Variants in BICD1 observed in about 807,000 individuals in gnomAD.
The protein encoded by BICD1 is BICD cargo adaptor 1.
Under a neutral mutation model 92.5 loss-of-function variants are expected in BICD1, and 35 were observed. The observed-to-expected ratio is 0.38, with a 90% CI of 0.29 to 0.50. The LOEUF (loss-of-function observed/expected upper bound fraction) is 0.50, where lower values mean the gene tolerates loss of function less well. Ranked by LOEUF, BICD1 falls within the 20% of genes least tolerant of loss-of-function variation. The probability of loss-of-function intolerance (pLI) is 0.93; values close to 1 mark genes in which losing one functional copy is unlikely to be tolerated. For synonymous variants in BICD1, 429 were observed against 465.1 expected (o/e 0.92, Z 1.00); for missense variants, 950 against 1,189.8 (o/e 0.80, Z 2.97).
At chr12:32,320,322 A>G (rs1948616661) in intron 4 of BICD1, among the ~76,000 whole-genome samples, 2 of 152,160 alleles carry the variant, frequency 1.3e-5, no homozygotes, top group African/African-American at 4.8e-5. Context: ...TCTGGGCTGC[A>G]TAGAGAGACC....
intron 2 of BICD1, among the ~76,000 whole-genome samples, chr12:32,247,236 C>CAAA (rs200029154): frequency 0.11 from 14,313 of 134,946 alleles, 924 homozygotes; most frequent in East Asian, 0.27. Context: ...GACCCTGTAT[C>CAAA]AAAAAAAAAA....
intron 9 of BICD1, among the ~76,000 whole-genome samples, chr12:32,371,023 C>CT (rs5797476): frequency 0.032 from 4,036 of 127,362 alleles, 188 homozygotes; most frequent in African/African-American, 0.12. Flanking sequence ...ATTTTTTTAA[C>CT]TTTTTTTTTT....
chr12:32,272,830 C>T (rs1348984604), intron 2 of BICD1, among the ~76,000 whole-genome samples: 1 of 152,096 alleles, frequency 6.6e-6, no homozygotes, highest in Non-Finnish European at 1.5e-5. Flanking sequence ...TATTTTGAGT[C>T]ACATGGTGTT....
intron 1 of BICD1, among the ~76,000 whole-genome samples, chr12:32,125,955 G>T (rs1258875927): frequency 6.6e-6 from 1 of 151,362 alleles, no homozygotes; most frequent in Non-Finnish European, 1.5e-5. Flanking sequence ...AGCCTGAGGT[G>T]GGAGAATCGC....
At chr12:32,296,846 G>A (rs1036690269) in intron 3 of BICD1, among the ~76,000 whole-genome samples, 2 of 152,138 alleles carry the variant, frequency 1.3e-5, no homozygotes, top group East Asian at 1.9e-4. Context: ...CCCAGATGCC[G>A]GTTCTGGGAG....
chr12:32,349,292 G>A (rs199504155), intron 8 of BICD1, among the ~76,000 whole-genome samples: 2 of 152,164 alleles, frequency 1.3e-5, no homozygotes, highest in East Asian at 3.8e-4. Flanking sequence ...TATTACAACA[G>A]TGATTATAAG....
chr12:32,156,972 A>G (rs1466218143), intron 1 of BICD1, among the ~76,000 whole-genome samples: 4 of 152,214 alleles, frequency 2.6e-5, no homozygotes, highest in Admixed American at 1.3e-4. Flanking sequence ...ACACATACAT[A>G]CACATATAAG....
At position 32,293,980 on chromosome 12, in the gene BICD1, C is replaced by T. The variant is rs775236779; in HGVS notation, c.427-14C>T. The T allele has an allele frequency of 1.9e-6, 3 of 1,609,826 alleles. No homozygotes were observed. Among genetic ancestry groups the T allele is most frequent in the East Asian group, 2.2e-5 (1 of 44,794 alleles). ...AAGAGAGTTATATATTGACTGTTTA[C>T]TCTGTTGTTTCAGAACAATGAGATG... On this transcript the variant is annotated splice_polypyrimidine_tract_variant and intron_variant, in intron 2 of 9. Transcript: ENST00000652176.
chr12:32,278,569 G>A (rs1947332624), intron 2 of BICD1, among the ~76,000 whole-genome samples: 1 of 152,192 alleles, frequency 6.6e-6, no homozygotes, highest in Non-Finnish European at 1.5e-5. Context: ...AAATTAACTA[G>A]CAGCCCGGGC....
intron 2 of BICD1, among the ~76,000 whole-genome samples, chr12:32,244,997 G>T (rs1159091511): frequency 6.6e-6 from 1 of 152,118 alleles, no homozygotes; most frequent in Non-Finnish European, 1.5e-5. Context: ...TATAGACTCT[G>T]AAGACAAAGA....
intron 1 of BICD1, among the ~76,000 whole-genome samples, chr12:32,155,662 C>T (rs1455781174): frequency 6.6e-6 from 1 of 152,086 alleles, no homozygotes; most frequent in East Asian, 1.9e-4. Flanking sequence ...CTTGTTTGTG[C>T]CTCAAATTGC....
intron 1 of BICD1, among the ~76,000 whole-genome samples, chr12:32,214,654 A>G (rs907761189): frequency 1.3e-5 from 2 of 152,318 alleles, no homozygotes; most frequent in Middle Eastern, 3.4e-3. Context: ...CATAATCTCT[A>G]TGAGAAACAA....
At position 32,248,409 on chromosome 12, in the gene BICD1, A is replaced by AT. The variant is rs11420898; in HGVS notation, c.426+31954dup. Among the ~76,000 whole-genome samples the AT allele has an allele frequency of 9.0e-3, 1,363 of 152,122 alleles. 25 individuals are homozygous for AT. Among genetic ancestry groups the AT allele is most frequent in the African/African-American group, 0.031 (1,287 of 41,486 alleles). On this transcript the variant is annotated intron_variant, in intron 2 of 9. Coordinates refer to ENST00000652176, the MANE Select transcript of BICD1 (RefSeq NM_001714.4). Reference sequence around the variant, plus strand: ...AGAGGGATGGGGTACCATTATTTTCATTTTGTTTTGTTGTTGGTTTCTGCT... The same window carrying AT: ...AGAGGGATGGGGTACCATTATTTTCATTTTTGTTTTGTTGTTGGTTTCTGCT...
At position 32,378,560 on chromosome 12, in the gene BICD1, A is replaced by G. The variant is rs1940070501; in HGVS notation, c.*933A>G. ...ATGGTGTGTTTATTTAATGACCAGA[A>G]TTTTTTTTACTTCTCCCAAAATCAG... On this transcript the variant is annotated 3_prime_UTR_variant, in exon 10 of 10. Coordinates refer to ENST00000652176, the MANE Select transcript of BICD1 (RefSeq NM_001714.4). The G allele has an allele frequency of 6.6e-6, 1 of 152,036 alleles. No homozygotes were observed. Among genetic ancestry groups the G allele is most frequent in the Non-Finnish European group, 1.5e-5 (1 of 68,000 alleles). 9.4% of individuals were successfully genotyped at this position (152,036 alleles called of 1,614,324 possible).
chr12:32,332,685 GA>G, intron 5 of BICD1: 2 of 330,504 alleles, frequency 6.1e-6, no homozygotes, highest in Non-Finnish European at 8.6e-6. Context: ...TAGAGGAGCG[GA>G]AAAGACTTCA....
chr12:32,146,217 G>A (rs954794022), intron 1 of BICD1, among the ~76,000 whole-genome samples: 11 of 152,176 alleles, frequency 7.2e-5, no homozygotes, highest in Admixed American at 5.2e-4. Flanking sequence ...CTTGCACACT[G>A]TTAACAATTA....
intron 8 of BICD1, among the ~76,000 whole-genome samples, chr12:32,349,634 T>C (rs137973990): frequency 3.8e-4 from 56 of 145,458 alleles, no homozygotes; most frequent in African/African-American, 1.4e-3. Flanking sequence ...ACCATACTTA[T>C]AACATGTATG....
intron 2 of BICD1, among the ~76,000 whole-genome samples, chr12:32,235,430 C>G (rs573709501): frequency 6.6e-6 from 1 of 152,096 alleles, no homozygotes; most frequent in Admixed American, 6.6e-5. Flanking sequence ...GTTTCACAAC[C>G]TTTTCTTCAT....
intron 1 of BICD1, among the ~76,000 whole-genome samples, chr12:32,117,631 C>T (rs562758269): frequency 1.1e-4 from 16 of 150,892 alleles, no homozygotes; most frequent in Non-Finnish European, 1.9e-4. Context: ...TTCACACACA[C>T]GGGCACATGT....
Sources: gnomAD v4.1 joint callset for allele counts (sites outside exome capture counted in the v4.1 genomes callset) on GRCh38, gnomAD v4.1.1 for gene constraint, MANE v1.5 for transcripts, NCBI Gene and HGNC (gene_info 2026-07-23, HGNC 2026-07-21) for gene names.